The following SHANK2 variants were observed in gnomAD, a reference collection of about 807,000 sequenced individuals.
The protein encoded by SHANK2 is SH3 and multiple ankyrin repeat domains protein 2.
SHANK2 carries 43 observed loss-of-function variants against 133.7 expected under a neutral mutation model. The observed-to-expected ratio is 0.32, with a 90% CI of 0.25 to 0.41. SHANK2 has a LOEUF of 0.41. Ranked by LOEUF, SHANK2 falls within the 10% of genes least tolerant of loss-of-function variation. The pLI is 1.00. For synonymous variants in SHANK2, 1,017 were observed against 952.8 expected (o/e 1.07, Z -1.24); for missense variants, 1,994 against 2,235.8 (o/e 0.89, Z 2.18).
intron 17 of SHANK2, among the ~76,000 whole-genome samples, chr11:70,546,097 ATT>A (rs57144719): frequency 0.027 from 3,668 of 137,012 alleles, 86 homozygotes; most frequent in African/African-American, 0.1. Context: ...TATTTATTTA[ATT>A]TTTTTTTTTT....
intron 9 of SHANK2, among the ~76,000 whole-genome samples, chr11:71,058,044 G>A (rs1319957409): frequency 1.3e-5 from 2 of 150,834 alleles, no homozygotes; most frequent in Admixed American, 6.6e-5. Flanking sequence ...ATAGGGATGC[G>A]CCACCATGCC....
intron 22 of SHANK2, among the ~76,000 whole-genome samples, chr11:70,491,345 A>AC (rs34588288): frequency 3.3e-5 from 5 of 151,552 alleles, no homozygotes; most frequent in African/African-American, 7.3e-5. Context: ...TGTCTCAGAC[A>AC]CCCCCCCAAC....
At chr11:71,153,928 C>T (rs1360486451) in intron 2 of SHANK2, among the ~76,000 whole-genome samples, 1 of 151,926 alleles carries the variant, frequency 6.6e-6, no homozygotes, top group Non-Finnish European at 1.5e-5. Context: ...CGAGATCGTA[C>T]CACTGCACTC....
chr11:70,821,457 G>A (rs1481410573), intron 11 of SHANK2, among the ~76,000 whole-genome samples: 8 of 152,044 alleles, frequency 5.3e-5, no homozygotes, highest in Non-Finnish European at 1.2e-4. Context: ...ACAGGGTTTC[G>A]CCCTGTCACC....
intron 17 of SHANK2, among the ~76,000 whole-genome samples, chr11:70,583,509 G>C (rs1482984883): frequency 6.6e-6 from 1 of 152,210 alleles, no homozygotes; most frequent in Admixed American, 6.5e-5. Flanking sequence ...CATGAGCTCT[G>C]ATTCTTGCAA....
At chr11:70,559,576 G>A (rs1362819973) in intron 17 of SHANK2, among the ~76,000 whole-genome samples, 2 of 152,134 alleles carry the variant, frequency 1.3e-5, no homozygotes, top group Non-Finnish European at 2.9e-5. Flanking sequence ...TAGCTTACCT[G>A]GCCCGCGCTT....
intron 17 of SHANK2, chr11:70,603,888 T>C (rs886691874): frequency 6.5e-6 from 1 of 152,732 alleles, no homozygotes; most frequent in African/African-American, 2.4e-5. Context: ...GCTGAGCAGA[T>C]GGTGCTTGGC....
At chr11:70,897,421 G>A (rs1949952667) in intron 10 of SHANK2, among the ~76,000 whole-genome samples, 8 of 152,202 alleles carry the variant, frequency 5.3e-5, no homozygotes, top group Admixed American at 5.2e-4. Flanking sequence ...ACAGCTGGGG[G>A]CCTTATGAGC....
At chr11:70,721,797 G>A (rs1555029265) in intron 14 of SHANK2, among the ~76,000 whole-genome samples, 1 of 152,242 alleles carries the variant, frequency 6.6e-6, no homozygotes, top group Non-Finnish European at 1.5e-5. Context: ...TGAGCTCAGA[G>A]CCTAAACTCT....
At chr11:71,230,890 C>T (rs1241945670) in intron 1 of SHANK2, among the ~76,000 whole-genome samples, 5 of 152,178 alleles carry the variant, frequency 3.3e-5, no homozygotes, top group African/African-American at 9.7e-5. Context: ...TGAACATCAA[C>T]CTAAGGGTCA....
chr11:70,829,553 C>A (rs1311228760), intron 11 of SHANK2, among the ~76,000 whole-genome samples: 1 of 152,106 alleles, frequency 6.6e-6, no homozygotes, highest in African/African-American at 2.4e-5. Context: ...TGGGGGCATG[C>A]GCAGAAGACA....
rs539142063 is a variant in SHANK2 at position 70,698,815 on chromosome 11, C to T, written c.1778-52G>A. On this transcript the variant is annotated intron_variant, in intron 14 of 25. Transcript: ENST00000601538. ...ATTCAGAAAAGTCATGGTCCCCGAA[C>T]GCGGAACCCACAGCACATGAGGCTG... 2.7e-3 allele frequency: 1,915 copies of T among 718,194 alleles called. 54 individuals carry two copies. In the South Asian group the frequency reaches 0.027, roughly 10 times the overall value. The allele number at this position is 718,194 out of a possible 1,614,324, so 44.5% of individuals were successfully genotyped here. A position where few individuals can be genotyped will look rare whatever the true frequency, so the allele number is the denominator to read the frequency against.
chr11:70,938,442 C>T (rs186932447), intron 10 of SHANK2, among the ~76,000 whole-genome samples: 1 of 152,236 alleles, frequency 6.6e-6, no homozygotes, highest in Non-Finnish European at 1.5e-5. Flanking sequence ...AACTTACATG[C>T]AGCTCTACTC....
intron 7 of SHANK2, among the ~76,000 whole-genome samples, chr11:71,093,726 T>C (rs1951557438): frequency 6.6e-6 from 1 of 152,114 alleles, no homozygotes; most frequent in African/African-American, 2.4e-5. Context: ...TGAAACCTCT[T>C]CTTATAAATT....
intron 10 of SHANK2, among the ~76,000 whole-genome samples, chr11:70,941,154 C>A (rs1269702782): frequency 6.6e-6 from 1 of 152,148 alleles, no homozygotes; most frequent in African/African-American, 2.4e-5. Context: ...CATTCAAGGA[C>A]CATGTCACAC....
At chr11:70,933,414 GA>G (rs1342791891) in intron 10 of SHANK2, 1 of 428,698 alleles carries the variant, frequency 2.3e-6, no homozygotes, top group Non-Finnish European at 4.7e-6. Context: ...TTCAGTTTGG[GA>G]AAATGACAAA....
chr11:70,896,946 A>G (rs1949945074), intron 10 of SHANK2, among the ~76,000 whole-genome samples: 1 of 152,158 alleles, frequency 6.6e-6, no homozygotes, highest in African/African-American at 2.4e-5. Context: ...GACACCCCGG[A>G]GCCCTGTTTA....
At chr11:70,790,650 G>C (rs1208439624) in intron 14 of SHANK2, among the ~76,000 whole-genome samples, 3 of 152,166 alleles carry the variant, frequency 2.0e-5, no homozygotes, top group Admixed American at 2.0e-4. Flanking sequence ...CCCATGATCG[G>C]GTGAGCCAAG....
intron 21 of SHANK2, among the ~76,000 whole-genome samples, chr11:70,499,270 TGGGGTCTTC>T (rs2059016317): frequency 6.6e-6 from 1 of 152,242 alleles, no homozygotes; most frequent in Admixed American, 6.5e-5. Context: ...CTGGTCCCTT[TGGGGTCTTC>T]CTGCCCACAC....
Sources: gnomAD v4.1 joint callset for allele counts (sites outside exome capture counted in the v4.1 genomes callset) on GRCh38, gnomAD v4.1.1 for gene constraint, MANE v1.5 for transcripts, NCBI Gene and HGNC (gene_info 2026-07-23, HGNC 2026-07-21) for gene names.